ACVR1: variants seen among roughly 807,000 people sequenced by gnomAD.
ACVR1 encodes activin A receptor type 1.
A neutral mutation model predicts 57.1 loss-of-function variants in ACVR1; 38 were observed. The observed-to-expected ratio is 0.67, with a 90% CI of 0.51 to 0.87. The LOEUF is 0.87. Ranked by LOEUF, ACVR1 falls within the 40% of genes least tolerant of loss-of-function variation. ACVR1 has a pLI of 0.00. For missense variants in ACVR1, 463 were observed against 638.2 expected (o/e 0.73, Z 2.96); for synonymous variants, 212 against 228.1 (o/e 0.93, Z 0.63).
chr2:157,840,174 C>A (rs1406916321), intron 1 of ACVR1, among the ~76,000 whole-genome samples: 8 of 152,158 alleles, frequency 5.3e-5, no homozygotes, highest in Non-Finnish European at 1.2e-4. Flanking sequence ...ATGGAACTGA[C>A]AAAAGAAGAA....
At chr2:157,835,741 A>G (rs1179478899) in intron 1 of ACVR1, among the ~76,000 whole-genome samples, 2 of 152,242 alleles carry the variant, frequency 1.3e-5, no homozygotes, top group African/African-American at 4.8e-5. Context: ...GCTGAAAACC[A>G]GTGGTTGAAA....
chr2:157,790,461 C>A (rs973164575), intron 3 of ACVR1, among the ~76,000 whole-genome samples: 7 of 152,174 alleles, frequency 4.6e-5, no homozygotes, highest in African/African-American at 1.7e-4. Context: ...CTTATTGACA[C>A]TCCATGGCAA....
rs897756393 is a variant in ACVR1, at chr2:157,760,902, C to T, written c.1242G>A (p.Val414=). ...IWAFGLVLWE[V]ARRMVSNGIV... is the part of the protein sequence containing the mutation. The stretch of plus-strand genomic sequence containing the variant: ...TACCATTGCTCACCATCCGCCTGGC[C>T]ACTTCCCACAAAACAAGTCCAAAGG... The change falls in exon 9 of 11, where the codon GTG becomes GTA. Residue 414 remains valine (V), a synonymous_variant. Coordinates refer to ENST00000434821, the MANE Select transcript of ACVR1 (RefSeq NM_001111067.4). The T allele has an allele frequency of 1.2e-6, 2 of 1,614,014 alleles. No individual in the cohort carries two copies. Among genetic ancestry groups the T allele is most frequent in the Non-Finnish European group, 1.7e-6 (2 of 1,179,998 alleles).
chr2:157,738,694 T>C, intron 9 of ACVR1, 124 bp from the exon 10 acceptor site: 1 of 1,447,322 alleles, frequency 6.9e-7, no homozygotes, highest in Non-Finnish European at 9.7e-7. Context: ...TCCTCATACC[T>C]CAGGGCAGTC....
intron 1 of ACVR1, among the ~76,000 whole-genome samples, chr2:157,855,736 T>C (rs1486527614): frequency 6.6e-6 from 1 of 152,142 alleles, no homozygotes; most frequent in African/African-American, 2.4e-5. Context: ...CTGCCTCAAA[T>C]GCCAGTGGTC....
chr2:157,844,324 G>A (rs555609055), intron 1 of ACVR1, among the ~76,000 whole-genome samples: 15 of 152,250 alleles, frequency 9.9e-5, no homozygotes, highest in Non-Finnish European at 1.8e-4. Context: ...CTTCCAAGCT[G>A]TATCTGGCAG....
intron 7 of ACVR1, 64 bp downstream of exon 7, chr2:157,770,304 G>C (rs1574042936): frequency 1.9e-6 from 3 of 1,584,128 alleles, no homozygotes; most frequent in Non-Finnish European, 2.6e-6. Context: ...AAAACGGAGA[G>C]AGCAAAGGCA....
intron 1 of ACVR1, among the ~76,000 whole-genome samples, chr2:157,825,296 C>T (rs926191752): frequency 1.3e-5 from 2 of 152,146 alleles, no homozygotes; most frequent in African/African-American, 2.4e-5. Flanking sequence ...AATTCTCCTT[C>T]ATTTTTTTCA....
At chr2:157,771,992 A>G (rs1686086363) in intron 6 of ACVR1, among the ~76,000 whole-genome samples, 1 of 152,092 alleles carries the variant, frequency 6.6e-6, no homozygotes, top group South Asian at 2.1e-4. Context: ...TTGTATCTTT[A>G]TTTTCCCTTT....
At chr2:157,846,380 G>C (rs1159157298) in intron 1 of ACVR1, among the ~76,000 whole-genome samples, 1 of 152,188 alleles carries the variant, frequency 6.6e-6, no homozygotes, top group Non-Finnish European at 1.5e-5. Flanking sequence ...TTTCCCTTCT[G>C]AAATTCAAAT....
At chr2:157,839,020 T>A (rs983865986) in intron 1 of ACVR1, among the ~76,000 whole-genome samples, 2 of 152,226 alleles carry the variant, frequency 1.3e-5, no homozygotes, top group Non-Finnish European at 2.9e-5. Flanking sequence ...CATCACCCAG[T>A]AGAAGACAAA....
chr2:157,838,286 C>G (rs549026793), intron 1 of ACVR1: 1 of 152,100 alleles, frequency 6.6e-6, no homozygotes, highest in African/African-American at 2.4e-5. Context: ...TTCAAAAAGG[C>G]AAGGTACTTC....
chr2:157,761,126 A>G, intron 8 of ACVR1, 49 bp from the exon 9 acceptor site: 1 of 1,595,906 alleles, frequency 6.3e-7, no homozygotes, highest in Non-Finnish European at 8.5e-7. Flanking sequence ...CTTTCTCATA[A>G]GAGGCTGCTG....
At chr2:157,797,730 T>C (rs1246568783) in intron 3 of ACVR1, among the ~76,000 whole-genome samples, 3 of 152,322 alleles carry the variant, frequency 2.0e-5, no homozygotes, top group East Asian at 3.9e-4. Flanking sequence ...GGGTCAGAGA[T>C]GCCAAAGGCA....
At chr2:157,748,552 G>A (rs1040668128) in intron 9 of ACVR1, among the ~76,000 whole-genome samples, 4 of 151,754 alleles carry the variant, frequency 2.6e-5, no homozygotes, top group Non-Finnish European at 5.9e-5. Flanking sequence ...ATTCTCAAGG[G>A]GCATCAAGGG....
chr2:157,741,075 A>G (rs1684739360), intron 9 of ACVR1, among the ~76,000 whole-genome samples: 2 of 152,212 alleles, frequency 1.3e-5, no homozygotes, highest in Non-Finnish European at 2.9e-5. Context: ...TGAGAGTGAT[A>G]AAAATATAAG....
intron 1 of ACVR1, among the ~76,000 whole-genome samples, chr2:157,871,286 A>T (rs991671702): frequency 2.6e-5 from 4 of 152,210 alleles, no homozygotes; most frequent in African/African-American, 9.6e-5. Flanking sequence ...TCCAGAAAGC[A>T]TTCTTGCTTG....
chr2:157,859,447 G>A (rs1200696350), intron 1 of ACVR1, among the ~76,000 whole-genome samples: 1 of 152,190 alleles, frequency 6.6e-6, no homozygotes, highest in Non-Finnish European at 1.5e-5. Flanking sequence ...GCCTATGGAG[G>A]AGCCATTCTT....
At chr2:157,826,190 T>C (rs74899393) in intron 1 of ACVR1, among the ~76,000 whole-genome samples, 1,613 of 152,258 alleles carry the variant, frequency 0.011, 28 homozygotes, top group African/African-American at 0.037. Context: ...GTCTGGCATT[T>C]TGTTTCTCCT....
Sources: gnomAD v4.1 joint callset for allele counts (sites outside exome capture counted in the v4.1 genomes callset) on GRCh38, gnomAD v4.1.1 for gene constraint, MANE v1.5 for transcripts, NCBI Gene and HGNC (gene_info 2026-07-23, HGNC 2026-07-21) for gene names.